SORCS3: variants seen among roughly 807,000 people sequenced by gnomAD.
The protein encoded by SORCS3 is VPS10 domain-containing receptor SorCS3.
SORCS3 carries 57 observed loss-of-function variants against 146.3 expected under a neutral mutation model. The observed-to-expected ratio is 0.39, with a 90% CI of 0.31 to 0.49. SORCS3 has a LOEUF of 0.49. SORCS3 is among the 20% of genes least tolerant of loss of function. SORCS3 has a pLI of 0.92. For synonymous variants in SORCS3, 653 were observed against 618.5 expected (o/e 1.06, Z -0.83); for missense variants, 1,341 against 1,575.5 (o/e 0.85, Z 2.52).
intron 1 of SORCS3, among the ~76,000 whole-genome samples, chr10:104,726,322 C>G (rs2016633297): frequency 6.6e-6 from 1 of 152,172 alleles, no homozygotes; most frequent in African/African-American, 2.4e-5. Flanking sequence ...CGTACTTGGC[C>G]TTTCTTCCTA....
At chr10:104,754,421 A>C (rs534853072) in intron 1 of SORCS3, among the ~76,000 whole-genome samples, 1 of 152,314 alleles carries the variant, frequency 6.6e-6, no homozygotes, top group African/African-American at 2.4e-5. Flanking sequence ...ACCTTTGAGC[A>C]TCATTGCTTG....
At chr10:105,049,484 C>T (rs925701554) in intron 5 of SORCS3, among the ~76,000 whole-genome samples, 10 of 152,022 alleles carry the variant, frequency 6.6e-5, no homozygotes, top group African/African-American at 2.4e-4. Flanking sequence ...TCACCCATCC[C>T]AGAAATTAAA....
chr10:105,242,636 A>T (rs1198791334), intron 20 of SORCS3, among the ~76,000 whole-genome samples: 1 of 102,720 alleles, frequency 9.7e-6, no homozygotes, highest in South Asian at 3.4e-4. Context: ...ATTTATATAC[A>T]TTTATATATA....
chr10:104,744,619 T>C (rs2016886307), intron 1 of SORCS3, among the ~76,000 whole-genome samples: 1 of 152,194 alleles, frequency 6.6e-6, no homozygotes, highest in Admixed American at 6.5e-5. Flanking sequence ...AGTTTGAAAT[T>C]AGGTCTGTCT....
At chr10:104,969,254 A>G (rs2054844311) in intron 3 of SORCS3, among the ~76,000 whole-genome samples, 1 of 151,240 alleles carries the variant, frequency 6.6e-6, no homozygotes, top group East Asian at 1.9e-4. Flanking sequence ...AATTGAGATG[A>G]GTGAAGCTGC....
At chr10:104,859,142 G>A (rs7097748) in intron 2 of SORCS3, among the ~76,000 whole-genome samples, 17,887 of 151,904 alleles carry the variant, frequency 0.12, 1,919 homozygotes, top group African/African-American at 0.29. Flanking sequence ...ATGAGAATAA[G>A]ACTTGGATAA....
Position 105,202,784 on chromosome 10 carries a change from G to A in SORCS3, c.2261+1531G>A, listed in dbSNP as rs542346160. 1.5e-4 allele frequency among the ~76,000 whole-genome samples: 23 copies of A among 152,244 alleles called. No individual in the cohort carries two copies. In the East Asian group the frequency reaches 3.9e-3, roughly 26 times the overall value. ...CCCCAATTCTGGGAATGGGTACATA[G>A]CACTCCGATCCCAGCTGGATGAATT... On this transcript the variant is annotated intron_variant, in intron 16 of 26. Transcript: ENST00000369701.
At chr10:104,918,642 C>T (rs1386328586) in intron 3 of SORCS3, among the ~76,000 whole-genome samples, 2 of 152,160 alleles carry the variant, frequency 1.3e-5, no homozygotes, top group African/African-American at 2.4e-5. Flanking sequence ...TTAGGAGCAG[C>T]CTTGTCAGTT....
At chr10:105,059,317 C>A (rs1229135827) in intron 5 of SORCS3, among the ~76,000 whole-genome samples, 1 of 152,194 alleles carries the variant, frequency 6.6e-6, no homozygotes, top group East Asian at 1.9e-4. Flanking sequence ...ACACTCCCTG[C>A]TAGATGAGAT....
chr10:104,898,125 A>G (rs949511950), intron 2 of SORCS3, among the ~76,000 whole-genome samples: 5 of 152,190 alleles, frequency 3.3e-5, no homozygotes, highest in African/African-American at 1.2e-4. Flanking sequence ...AGTCAGGACA[A>G]CCTGTTTTCA....
intron 2 of SORCS3, among the ~76,000 whole-genome samples, chr10:104,894,674 G>A (rs1468458388): frequency 2.6e-5 from 4 of 152,160 alleles, no homozygotes; most frequent in African/African-American, 9.7e-5. Flanking sequence ...AAACTTGGCA[G>A]CAATTAGAGG....
At chr10:104,752,867 A>G (rs1276503478) in intron 1 of SORCS3, among the ~76,000 whole-genome samples, 2 of 152,186 alleles carry the variant, frequency 1.3e-5, no homozygotes, top group African/African-American at 4.8e-5. Context: ...GCCTGTAGAC[A>G]GATTTTTATC....
chr10:104,970,282 G>T (rs1352216851), intron 3 of SORCS3, among the ~76,000 whole-genome samples: 1 of 152,104 alleles, frequency 6.6e-6, no homozygotes, highest in African/African-American at 2.4e-5. Flanking sequence ...GAGTAGCGGG[G>T]ATTACAGGTG....
intron 2 of SORCS3, among the ~76,000 whole-genome samples, chr10:104,901,223 C>G (rs1161281152): frequency 6.6e-6 from 1 of 152,132 alleles, no homozygotes; most frequent in East Asian, 1.9e-4. Context: ...GCATTGCCTG[C>G]TTTAGTTACC....
intron 20 of SORCS3, among the ~76,000 whole-genome samples, chr10:105,227,896 G>A (rs955245024): frequency 7.9e-5 from 12 of 150,948 alleles, no homozygotes; most frequent in Non-Finnish European, 1.5e-4. Flanking sequence ...TCATTTGCAT[G>A]GAATGTATTT....
chr10:105,243,972 C>A (rs546672286), intron 20 of SORCS3, among the ~76,000 whole-genome samples: 8 of 152,070 alleles, frequency 5.3e-5, no homozygotes, highest in Non-Finnish European at 8.8e-5. Context: ...ACTGTCCTGC[C>A]CCTCTTAAAG....
At chr10:104,813,564 A>G (rs988675862) in intron 1 of SORCS3, among the ~76,000 whole-genome samples, 5 of 152,068 alleles carry the variant, frequency 3.3e-5, no homozygotes, top group Admixed American at 3.3e-4. Flanking sequence ...ACTCATTTCC[A>G]GTGTGCTGGG....
chr10:105,130,969 A>G (rs1053311753), intron 7 of SORCS3, among the ~76,000 whole-genome samples: 1 of 152,152 alleles, frequency 6.6e-6, no homozygotes, highest in African/African-American at 2.4e-5. Flanking sequence ...TTGGAAAATC[A>G]GCTCAAGATG....
At chr10:105,226,978 T>C (rs2056737122) in intron 20 of SORCS3, among the ~76,000 whole-genome samples, 1 of 152,058 alleles carries the variant, frequency 6.6e-6, no homozygotes, top group South Asian at 2.1e-4. Flanking sequence ...GGTTTGTTGA[T>C]TTTGTTTATC....
Sources: allele counts gnomAD v4.1 joint callset (sites outside exome capture counted in the v4.1 genomes callset), GRCh38; gene constraint gnomAD v4.1.1; transcripts MANE v1.5; gene names NCBI Gene and HGNC (gene_info 2026-07-23, HGNC 2026-07-21).